The following UGCG variants were observed in gnomAD, a reference collection of about 807,000 sequenced individuals.
UGCG encodes UDP-glucose ceramide glucosyltransferase, also known as ceramide glucosyltransferase.
Under a neutral mutation model 49.5 loss-of-function variants are expected in UGCG, and 10 were observed. The observed-to-expected ratio is 0.20, with a 90% confidence interval of 0.12 to 0.34. The LOEUF is 0.34. Among genes scored for constraint, UGCG ranks in the 10% least tolerant of loss-of-function variants. The probability of loss-of-function intolerance (pLI) is 1.00; values close to 1 mark genes in which losing one functional copy is unlikely to be tolerated. For synonymous variants in UGCG, 182 were observed against 158.2 expected (o/e 1.15, Z -1.13); for missense variants, 312 against 483.7 (o/e 0.65, Z 3.33).
chr9:111,914,883 C>T lies in UGCG; in HGVS notation c.240+137C>T, dbSNP rs200033346. On this transcript the variant is annotated intron_variant, in intron 2 of 8. Transcript: ENST00000374279. ...TGATATTGGCCTCATAAAATATAAC[C>T]TTTAGTAGTAGTCATCACAGAACAG... 428 of 1,256,546 alleles carry T rather than the reference C, an allele frequency of 3.4e-4. 2 individuals are homozygous for T. In the East Asian group the frequency reaches 8.5e-3, roughly 25 times the overall value. 77.8% of individuals were successfully genotyped at this position (1,256,546 alleles called of 1,614,324 possible). A position where few individuals can be genotyped will look rare whatever the true frequency, so the allele number is the denominator to read the frequency against.
Position 111,926,478 on chromosome 9 carries a change from T to G in UGCG, c.540T>G (p.Phe180Leu). Reference protein sequence around the residue: ...GLPYVADRQGFAATLEQVYFG... With the variant: ...GLPYVADRQGLAATLEQVYFG... ...CTTACGTAGCAGACAGACAGGGCTT[T>G]GCTGCCACCTTAGAGCAGGTGAGTA... Residue 180 changes from phenylalanine to leucine, a missense_variant, in exon 5 of 9, where the codon TTT becomes TTG. By Grantham distance (22) the Phe-to-Leu change is conservative. Around this residue, in one of 4 missense-constraint regions of UGCG, gnomAD observed 180 missense variants for 320.4 expected, o/e 0.56. Transcript: ENST00000374279. The G allele has an allele frequency of 6.2e-7, 1 of 1,610,040 alleles. No individual in the cohort carries two copies. The highest frequency in any genetic ancestry group is 8.5e-7 in the Non-Finnish European group (1 of 1,177,342).
At chr9:111,911,248 A>G (rs558252066) in intron 1 of UGCG, among the ~76,000 whole-genome samples, 1 of 152,244 alleles carries the variant, frequency 6.6e-6, no homozygotes, top group African/African-American at 2.4e-5. Context: ...TCAGGAGGCA[A>G]GCATGGACTC....
intron 1 of UGCG, among the ~76,000 whole-genome samples, chr9:111,899,522 T>A (rs1393645540): frequency 2.0e-5 from 3 of 152,260 alleles, no homozygotes; most frequent in African/African-American, 7.2e-5. Context: ...TTGTTTTCTG[T>A]CACATGTAGC....
intron 3 of UGCG, among the ~76,000 whole-genome samples, chr9:111,923,634 G>GTT (rs760136779): frequency 2.0e-5 from 3 of 148,308 alleles, no homozygotes; most frequent in Non-Finnish European, 4.5e-5. Flanking sequence ...GGTTTTTTTG[G>GTT]TTTTTTTTTT....
chr9:111,924,779 G>A lies in UGCG; in HGVS notation c.346G>A (p.Gly116Ser). Residue 116 changes from glycine to serine, a missense_variant and splice_region_variant, in exon 4 of 9, where the codon GGC becomes AGC. Around this residue, in one of 4 missense-constraint regions of UGCG, gnomAD observed 64 missense variants for 67.6 expected, o/e 0.95. Transcript: ENST00000374279. ...CTACTGTACCTTTACATTTTTAGGT[G>A]GCAAAAAAGTTGGCATTAATCCTAA... ...PNVDARLFIG[G>S]KKVGINPKIN... The A allele has an allele frequency of 6.6e-7, 1 of 1,516,074 alleles. No individual in the cohort carries two copies. Among genetic ancestry groups the A allele is most frequent in the Admixed American group, 2.3e-5 (1 of 43,618 alleles). 93.9% of individuals were successfully genotyped at this position (1,516,074 alleles called of 1,614,324 possible).
chr9:111,926,087 A>G (rs1838307892), intron 4 of UGCG, among the ~76,000 whole-genome samples: 1 of 152,116 alleles, frequency 6.6e-6, no homozygotes, highest in South Asian at 2.1e-4. Flanking sequence ...CCTTATTCCA[A>G]ATTAGAAGTT....
At position 111,934,060 on chromosome 9, in the gene UGCG, G is replaced by A. The variant is rs1374057285; in HGVS notation, c.*1063G>A. 1 of 151,440 alleles carries A rather than the reference G, an allele frequency of 6.6e-6. No individual in the cohort carries two copies. The highest frequency in any genetic ancestry group is 1.5e-5 in the Non-Finnish European group (1 of 67,950). The allele number at this position is 151,440 out of a possible 1,614,324, so 9.4% of individuals were successfully genotyped here. A position where few individuals can be genotyped will look rare whatever the true frequency, so the allele number is the denominator to read the frequency against. On this transcript the variant is annotated 3_prime_UTR_variant, in exon 9 of 9. Transcript: ENST00000374279. ...CTAGCCATCAATAAATTGCAGTAGA[G>A]TATTAAGAGGGGACAGGATGAGTTT...
At chr9:111,913,586 C>G (rs952845218) in intron 1 of UGCG, among the ~76,000 whole-genome samples, 15 of 146,810 alleles carry the variant, frequency 1.0e-4, no homozygotes, top group African/African-American at 3.5e-4. Flanking sequence ...GCACCCACCA[C>G]CACGCCCAGC....
chr9:111,920,914 T>TG (rs11452169), intron 2 of UGCG, among the ~76,000 whole-genome samples: 15,652 of 151,978 alleles, frequency 0.1, 1,237 homozygotes, highest in African/African-American at 0.22. Flanking sequence ...CGTTTTGTTT[T>TG]TTTTTTGAGA....
At chr9:111,920,736 G>A (rs992239062) in intron 2 of UGCG, among the ~76,000 whole-genome samples, 2 of 152,080 alleles carry the variant, frequency 1.3e-5, no homozygotes, top group African/African-American at 2.4e-5. Flanking sequence ...ATGCTCACAG[G>A]CACTATAAAC....
At chr9:111,925,203 A>G (rs1838295629) in intron 4 of UGCG, among the ~76,000 whole-genome samples, 2 of 152,200 alleles carry the variant, frequency 1.3e-5, no homozygotes, top group South Asian at 4.1e-4. Flanking sequence ...CTTATCTTTA[A>G]TGTGTTTCGG....
Position 111,897,045 on chromosome 9 carries a change from G to T in UGCG, c.-171G>T, listed in dbSNP as rs1408495893. On this transcript the variant is annotated 5_prime_UTR_variant, in exon 1 of 9. Transcript: ENST00000374279. ...CAGGCGAGAGCGCGCGGGCGGGGGC[G>T]CGCAGGCCCTGCCCGCCCCTTCCGT... 1.8e-5 allele frequency: 7 copies of T among 382,316 alleles called. No individual in the cohort carries two copies. The highest frequency in any genetic ancestry group is 5.1e-5 in the Admixed American group (1 of 19,632). The allele number at this position is 382,316 out of a possible 1,614,324, so 23.7% of individuals were successfully genotyped here. A position where few individuals can be genotyped will look rare whatever the true frequency, so the allele number is the denominator to read the frequency against.
intron 8 of UGCG, 122 bp downstream of exon 8, chr9:111,932,481 C>T (rs963326866): frequency 1.6e-5 from 17 of 1,050,984 alleles, no homozygotes; most frequent in African/African-American, 8.1e-5. Context: ...AGGTTAGTCT[C>T]GGGTTTGAAC....
At chr9:111,914,839 A>T (rs779986238) in intron 2 of UGCG, 93 bp downstream of exon 2, 10 of 1,502,566 alleles carry the variant, frequency 6.7e-6, no homozygotes, top group Non-Finnish European at 8.9e-6. Context: ...TATAAGGTGA[A>T]GGTATTAAAA....
At chr9:111,898,404 T>C (rs1245705603) in intron 1 of UGCG, among the ~76,000 whole-genome samples, 2 of 151,970 alleles carry the variant, frequency 1.3e-5, no homozygotes, top group African/African-American at 4.8e-5. Context: ...GTTTTTTTTT[T>C]TTCCTTTTTA....
chr9:111,908,999 A>C (rs775123106), intron 1 of UGCG, among the ~76,000 whole-genome samples: 3 of 152,064 alleles, frequency 2.0e-5, no homozygotes, highest in Non-Finnish European at 2.9e-5. Flanking sequence ...GCTCACTGCA[A>C]CCTCTGCCTC....
chr9:111,931,237 T>C (rs775869944), intron 6 of UGCG, 34 bp from the exon 7 acceptor site: 8 of 1,599,386 alleles, frequency 5.0e-6, no homozygotes, highest in African/African-American at 2.7e-5. Flanking sequence ...GTGTTCATCA[T>C]CATAACTTAT....
rs62572658 is a variant in UGCG, at chr9:111,901,891, T to C, written c.98+4578T>C. On this transcript the variant is annotated intron_variant, in intron 1 of 8. Transcript: ENST00000374279. ...TGCCCCCTCGATTTTATATTTCTTA[T>C]TGTAGCCTTTATCCTTCTGGATTAC... Among the ~76,000 whole-genome samples the C allele has an allele frequency of 3.0e-3, 464 of 152,330 alleles. 2 individuals carry two copies. The highest frequency in any genetic ancestry group is 5.6e-3 in the Non-Finnish European group (381 of 68,034).
chr9:111,919,714 GA>G (rs111270223), intron 2 of UGCG, among the ~76,000 whole-genome samples: 11,434 of 148,478 alleles, frequency 0.077, 817 homozygotes, highest in African/African-American at 0.19. Flanking sequence ...AGAATGGCGT[GA>G]ACCCTGGAGG....
Sources: allele counts gnomAD v4.1 joint callset (sites outside exome capture counted in the v4.1 genomes callset), GRCh38; gene constraint gnomAD v4.1.1; regional missense constraint gnomAD v4.1.1; transcripts MANE v1.5; gene names NCBI Gene and HGNC (gene_info 2026-07-23, HGNC 2026-07-21).